Variants in ACAP2 observed in about 807,000 individuals in gnomAD.
ACAP2 encodes arf-GAP with coiled-coil, ANK repeat and PH domain-containing protein 2.
Under a neutral mutation model 115.8 loss-of-function variants are expected in ACAP2, and 39 were observed. The observed-to-expected ratio is 0.34, with a 90% CI of 0.26 to 0.44. ACAP2 has a LOEUF of 0.44. Among genes scored for constraint, ACAP2 ranks in the 20% least tolerant of loss-of-function variants. The pLI is 1.00. For missense variants in ACAP2, 662 were observed against 927.6 expected, an observed-to-expected ratio of 0.71 and a Z score of 3.72; for synonymous variants, 289 against 315.8, an observed-to-expected ratio of 0.92 and a Z score of 0.90.
chr3:195,431,589 G>C (rs2131684), intron 1 of ACAP2, among the ~76,000 whole-genome samples: 45,593 of 150,200 alleles, frequency 0.3, 7,967 homozygotes, highest in East Asian at 0.82. Context: ...AGGTACATGC[G>C]ACCATGCCCG....
chr3:195,338,811 A>G (rs1029270671), intron 6 of ACAP2, among the ~76,000 whole-genome samples: 1 of 152,206 alleles, frequency 6.6e-6, no homozygotes, highest in Admixed American at 6.5e-5. Flanking sequence ...TACTGTCAAA[A>G]GATTATACAA....
chr3:195,297,043 A>G (rs1727699217), intron 16 of ACAP2, 147 bp downstream of exon 16: 2 of 663,246 alleles, frequency 3.0e-6, no homozygotes, highest in South Asian at 3.8e-5. Flanking sequence ...TAATTAACAT[A>G]CCGAAGAAAG....
chr3:195,374,206 T>G (rs1733362273), intron 4 of ACAP2, among the ~76,000 whole-genome samples: 1 of 152,032 alleles, frequency 6.6e-6, no homozygotes, highest in Non-Finnish European at 1.5e-5. Flanking sequence ...GCCAACTTGG[T>G]GAAACCCCAT....
intron 9 of ACAP2, chr3:195,325,414 A>ATT (rs746254101): frequency 0.013 from 4,078 of 320,784 alleles, 84 homozygotes; most frequent in African/African-American, 0.033. Context: ...TAGTGGACTG[A>ATT]TTTTTTTTTT....
rs1184479295 is a variant in ACAP2 at position 195,301,638 on chromosome 3, A to G, written c.1332T>C (p.Leu444=). Reference sequence around the variant, plus strand: ...ATCGTACTTTTGAAAAATGAACCCCAAGGCTCCTAAGTGGAAAAAAGAAGA... The same window carrying G: ...ATCGTACTTTTGAAAAATGAACCCCGAGGCTCCTAAGTGGAAAAAAGAAGA... ...CIECSGIHRS[L]GVHFSKVRSL... is the part of the protein sequence containing the mutation. The change falls in exon 15 of 23, where the codon CTT becomes CTC. Residue 444 remains leucine, a synonymous_variant. Transcript: ENST00000326793. 1 of 1,612,966 alleles carries G rather than the reference A, an allele frequency of 6.2e-7. No homozygotes were observed. The highest frequency in any genetic ancestry group is 8.5e-7 in the Non-Finnish European group (1 of 1,179,674).
chr3:195,347,305 C>T (rs1202887625), intron 4 of ACAP2, among the ~76,000 whole-genome samples: 1 of 151,884 alleles, frequency 6.6e-6, no homozygotes, highest in African/African-American at 2.4e-5. Flanking sequence ...GAAAATTGAC[C>T]ATATAGTAGG....
At chr3:195,416,839 T>A (rs187447021) in intron 1 of ACAP2, among the ~76,000 whole-genome samples, 1 of 152,114 alleles carries the variant, frequency 6.6e-6, no homozygotes, top group Non-Finnish European at 1.5e-5. Context: ...AAGTTTAATA[T>A]GTATCTATCT....
chr3:195,400,178 CA>C (rs754609130), intron 1 of ACAP2, among the ~76,000 whole-genome samples: 31 of 117,640 alleles, frequency 2.6e-4, no homozygotes, highest in Admixed American at 2.6e-4. Context: ...CAGTCCGTCT[CA>C]AAAAAAAAAA....
intron 1 of ACAP2, among the ~76,000 whole-genome samples, chr3:195,407,159 A>G (rs1712842393): frequency 6.6e-6 from 1 of 151,426 alleles, no homozygotes; most frequent in Admixed American, 6.6e-5. Flanking sequence ...GAATGGAAAT[A>G]AAATTTTGAA....
intron 4 of ACAP2, among the ~76,000 whole-genome samples, chr3:195,376,989 T>A (rs1243044181): frequency 6.6e-6 from 1 of 152,158 alleles, no homozygotes; most frequent in Non-Finnish European, 1.5e-5. Flanking sequence ...AATAAAGCAT[T>A]TTATGTAACT....
At chr3:195,373,451 G>A (rs934848302) in intron 4 of ACAP2, among the ~76,000 whole-genome samples, 3 of 152,128 alleles carry the variant, frequency 2.0e-5, no homozygotes, top group Admixed American at 6.6e-5. Flanking sequence ...AAAGTGCACT[G>A]ACTTCCAGAG....
At chr3:195,361,732 G>A (rs773576307) in intron 4 of ACAP2, among the ~76,000 whole-genome samples, 10 of 151,692 alleles carry the variant, frequency 6.6e-5, no homozygotes, top group African/African-American at 1.5e-4. Context: ...AAAAATCAAC[G>A]AAACAAAAAG....
intron 10 of ACAP2, among the ~76,000 whole-genome samples, chr3:195,319,815 G>A (rs1435009439): frequency 6.6e-6 from 1 of 152,122 alleles, no homozygotes; most frequent in Non-Finnish European, 1.5e-5. Flanking sequence ...TAAGACTTTG[G>A]GGAACTGTTG....
intron 2 of ACAP2, among the ~76,000 whole-genome samples, chr3:195,383,992 T>C (rs1346296702): frequency 1.3e-5 from 2 of 152,178 alleles, no homozygotes; most frequent in Non-Finnish European, 2.9e-5. Context: ...AGGGCAGTTA[T>C]GGGGAAATAG....
At chr3:195,315,803 T>G (rs1729050193) in intron 10 of ACAP2, among the ~76,000 whole-genome samples, 2 of 152,344 alleles carry the variant, frequency 1.3e-5, no homozygotes, top group Admixed American at 6.5e-5. Context: ...TGTCTACAAC[T>G]GAAAATTTAA....
chr3:195,306,194 T>G (rs1728409645), intron 13 of ACAP2, among the ~76,000 whole-genome samples: 1 of 152,188 alleles, frequency 6.6e-6, no homozygotes, highest in African/African-American at 2.4e-5. Context: ...ACACCTTTCA[T>G]GATCATTATT....
chr3:195,371,883 T>G (rs927970835), intron 4 of ACAP2, among the ~76,000 whole-genome samples: 1 of 152,150 alleles, frequency 6.6e-6, no homozygotes, highest in Non-Finnish European at 1.5e-5. Context: ...GGTCTCAAAC[T>G]CCTGGCCCCA....
intron 10 of ACAP2, among the ~76,000 whole-genome samples, chr3:195,309,868 T>C (rs1001270780): frequency 6.6e-6 from 1 of 152,190 alleles, no homozygotes; most frequent in African/African-American, 2.4e-5. Context: ...ATCTATGCTA[T>C]GTATTACATA....
chr3:195,360,984 C>CAAA (rs34043043), intron 4 of ACAP2, among the ~76,000 whole-genome samples: 2 of 98,164 alleles, frequency 2.0e-5, no homozygotes, highest in African/African-American at 3.6e-5. Flanking sequence ...GTAAGAAACT[C>CAAA]AAAAAAAAAA....
Sources: gnomAD v4.1 joint callset for allele counts (sites outside exome capture counted in the v4.1 genomes callset) on GRCh38, gnomAD v4.1.1 for gene constraint, MANE v1.5 for transcripts, NCBI Gene and HGNC (gene_info 2026-07-23, HGNC 2026-07-21) for gene names.